UBAP2: variants seen among roughly 807,000 people sequenced by gnomAD.
UBAP2 encodes the protein ubiquitin associated protein 2.
Under a neutral mutation model 139.6 loss-of-function variants are expected in UBAP2, and 75 were observed. That is an observed-to-expected ratio of 0.54 (90% CI 0.45 to 0.65). The LOEUF (loss-of-function observed/expected upper bound fraction) is 0.65, where lower values mean the gene tolerates loss of function less well. Among genes scored for constraint, UBAP2 ranks in the 30% least tolerant of loss-of-function variants. The pLI, the probability that UBAP2 is intolerant of heterozygous loss-of-function variation, is 0.00. For synonymous variants in UBAP2, 526 were observed against 526.2 expected (o/e 1.00, Z 0.01); for missense variants, 1,368 against 1,369.6 (o/e 1.00, Z 0.02).
At chr9:33,996,383 T>TA (rs1442104244) in intron 3 of UBAP2, 50 bp from the exon 4 acceptor site, 1 of 1,213,086 alleles carries the variant, frequency 8.2e-7, no homozygotes, top group East Asian at 2.3e-5. Flanking sequence ...AACTGGCACT[T>TA]GATATTAAGA....
At chr9:33,970,974 T>TA (rs1458547530) in intron 8 of UBAP2, among the ~76,000 whole-genome samples, 1 of 152,132 alleles carries the variant, frequency 6.6e-6, no homozygotes, top group Non-Finnish European at 1.5e-5. Flanking sequence ...GGCTAATTTT[T>TA]TGTATTTTTG....
chr9:33,996,583 A>G, intron 3 of UBAP2: 1 of 434,224 alleles, frequency 2.3e-6, no homozygotes, highest in Non-Finnish European at 4.1e-6. Flanking sequence ...GCAGATCATT[A>G]ATCAGCAGCA....
At chr9:33,961,024 T>A in intron 9 of UBAP2, 146 bp from the exon 10 acceptor site, 1 of 711,918 alleles carries the variant, frequency 1.4e-6, no homozygotes, top group South Asian at 1.7e-5. Context: ...AAACATGACG[T>A]TCTTAATCTA....
intron 8 of UBAP2, chr9:33,968,260 T>A: frequency 1.6e-6 from 1 of 621,010 alleles, no homozygotes; most frequent in Non-Finnish European, 3.1e-6. Context: ...TGGATGCAAG[T>A]CCTTCCATAA....
chr9:33,941,169 C>G (rs1825165736), intron 16 of UBAP2, among the ~76,000 whole-genome samples: 1 of 152,146 alleles, frequency 6.6e-6, no homozygotes, highest in Non-Finnish European at 1.5e-5. Flanking sequence ...TAGCAAGAAT[C>G]TAGAAGGGTA....
intron 13 of UBAP2, among the ~76,000 whole-genome samples, chr9:33,947,496 T>C (rs895951084): frequency 2.0e-5 from 3 of 152,104 alleles, no homozygotes; most frequent in Admixed American, 2.0e-4. Flanking sequence ...TTCAAAATGT[T>C]AGAATGAGAA....
At chr9:34,042,533 A>G (rs1169015496) in intron 1 of UBAP2, among the ~76,000 whole-genome samples, 3 of 151,420 alleles carry the variant, frequency 2.0e-5, no homozygotes, top group Admixed American at 2.0e-4. Context: ...CATACCTATA[A>G]TCCCAGGACT....
chr9:33,946,271 T>C (rs1485100626), intron 13 of UBAP2, among the ~76,000 whole-genome samples: 2 of 152,232 alleles, frequency 1.3e-5, no homozygotes, highest in Admixed American at 6.5e-5. Flanking sequence ...ATGATACAAA[T>C]TTTGAGTATT....
chr9:33,976,262 GA>G (rs138813398), intron 6 of UBAP2, among the ~76,000 whole-genome samples: 1 of 149,062 alleles, frequency 6.7e-6, no homozygotes, highest in African/African-American at 2.5e-5. Context: ...ACCTTGAACT[GA>G]AAAAAAAATG....
intron 3 of UBAP2, 184 bp downstream of exon 3, chr9:33,998,603 A>G (rs1254370952): frequency 1.1e-5 from 6 of 544,360 alleles, no homozygotes; most frequent in East Asian, 3.0e-5. Flanking sequence ...AACGTATTCA[A>G]TTCCTTCACT....
chr9:33,960,810 GACAGCAAACACTT>G lies in UBAP2; in HGVS notation c.798+3_798+15del. 1 of 1,601,536 alleles carries G rather than the reference GACAGCAAACACTT, an allele frequency of 6.2e-7. No individual in the cohort carries two copies. The highest frequency in any genetic ancestry group is 1.1e-5 in the South Asian group (1 of 90,676). ...AAAAAAAAAAAGAAAGGTCTCATCTGACAGCAAACACTTACATCTTCAGTCCAGTCTTCTGTTG... is the reference window on the plus strand; with the variant it reads ...AAAAAAAAAAAGAAAGGTCTCATCTGACATCTTCAGTCCAGTCTTCTGTTG... On this transcript the variant is annotated splice_donor_5th_base_variant and intron_variant, in intron 10 of 28. Coordinates refer to ENST00000379238, the MANE Select transcript of UBAP2 (RefSeq NM_001370062.2).
chr9:33,923,449 C>A lies in UBAP2; in HGVS notation c.2826G>T (p.Gly942=), dbSNP rs1823115412. ...GAGGTGTGGGAGTGCTGAGGTTCAC[C>A]CCATGTTGCTTGGCTGAGGCTGGAG... The part of the protein sequence containing the change: ...FVPPASAKQH[G]VNLSTPTPPF... Residue 942 remains glycine, a synonymous_variant, in exon 25 of 29, where the codon GGG becomes GGT. Transcript: ENST00000379238. 1 of 1,613,912 alleles carries A rather than the reference C, an allele frequency of 6.2e-7. No individual in the cohort carries two copies. Among genetic ancestry groups the A allele is most frequent in the South Asian group, 1.1e-5 (1 of 91,062 alleles).
intron 16 of UBAP2, among the ~76,000 whole-genome samples, chr9:33,940,607 C>T (rs1273133944): frequency 2.6e-5 from 4 of 152,142 alleles, no homozygotes; most frequent in African/African-American, 7.2e-5. Context: ...GGTGATACCC[C>T]GTCTCTAAAC....
At chr9:34,008,892 A>G (rs1053335030) in intron 2 of UBAP2, among the ~76,000 whole-genome samples, 2 of 149,148 alleles carry the variant, frequency 1.3e-5, no homozygotes, top group African/African-American at 4.9e-5. Context: ...TTGAACCCAC[A>G]AGGCAGAGGT....
chr9:34,017,635 A>G (rs921876412), intron 1 of UBAP2, among the ~76,000 whole-genome samples: 1 of 152,200 alleles, frequency 6.6e-6, no homozygotes, highest in Non-Finnish European at 1.5e-5. Flanking sequence ...TCTTAAAGAA[A>G]CAATTGTGTG....
intron 1 of UBAP2, among the ~76,000 whole-genome samples, chr9:34,020,620 C>T (rs569468313): frequency 2.7e-5 from 4 of 150,492 alleles, no homozygotes; most frequent in African/African-American, 7.3e-5. Context: ...GCCACTGAGC[C>T]GGCCCAGAGC....
At chr9:33,939,455 T>G (rs1045691849) in intron 16 of UBAP2, among the ~76,000 whole-genome samples, 2 of 151,616 alleles carry the variant, frequency 1.3e-5, no homozygotes, top group African/African-American at 2.4e-5. Context: ...TGCCTCAGCC[T>G]CCAAAAGTGC....
chr9:34,008,299 CA>C, intron 2 of UBAP2, among the ~76,000 whole-genome samples: 1 of 120,626 alleles, frequency 8.3e-6, no homozygotes, highest in South Asian at 2.5e-4. Flanking sequence ...GCGTGGGCAA[CA>C]AGAGCGAAAC....
intron 1 of UBAP2, among the ~76,000 whole-genome samples, chr9:34,039,291 C>T (rs1173441382): frequency 6.6e-6 from 1 of 151,936 alleles, no homozygotes; most frequent in Non-Finnish European, 1.5e-5. Flanking sequence ...CGCCTCTGCC[C>T]GGCCACCCCT....
Sources: gnomAD v4.1 joint callset for allele counts (sites outside exome capture counted in the v4.1 genomes callset) on GRCh38, gnomAD v4.1.1 for gene constraint, MANE v1.5 for transcripts, NCBI Gene and HGNC (gene_info 2026-07-23, HGNC 2026-07-21) for gene names.